SH3RF3: variants seen among roughly 807,000 people sequenced by gnomAD.
SH3RF3 encodes the protein SH3 domain containing ring finger 3.
SH3RF3 carries 29 observed loss-of-function variants against 66.3 expected under a neutral mutation model. The ratio of observed to expected loss-of-function variants is 0.44; its 90% confidence interval spans 0.33 to 0.60. The LOEUF is 0.60. SH3RF3 is among the 20% of genes least tolerant of loss of function. SH3RF3 has a pLI of 0.04. For synonymous variants in SH3RF3, 583 were observed against 532.0 expected (o/e 1.10, Z -1.32); for missense variants, 1,194 against 1,190.9 (o/e 1.00, Z -0.04).
intron 2 of SH3RF3, among the ~76,000 whole-genome samples, chr2:109,355,306 A>T (rs1163295481): frequency 6.6e-6 from 1 of 152,170 alleles, no homozygotes; most frequent in African/African-American, 2.4e-5. Context: ...TGGCCCAGGA[A>T]CTTGTCTGCT....
chr2:109,429,766 GCAAGAAGGCCA>G (rs1677140196), intron 5 of SH3RF3, among the ~76,000 whole-genome samples: 1 of 152,216 alleles, frequency 6.6e-6, no homozygotes, highest in African/African-American at 2.4e-5. Flanking sequence ...TGAAACATGT[GCAAGAAGGCCA>G]CAGACAGCCC....
At chr2:109,203,501 T>A (rs1191262867) in intron 1 of SH3RF3, among the ~76,000 whole-genome samples, 2 of 152,162 alleles carry the variant, frequency 1.3e-5, no homozygotes, top group Non-Finnish European at 2.9e-5. Flanking sequence ...CCGCTCCCCA[T>A]TGCCTCCTGA....
intron 8 of SH3RF3, among the ~76,000 whole-genome samples, chr2:109,463,054 T>C (rs1015083284): frequency 1.3e-5 from 2 of 152,208 alleles, no homozygotes; most frequent in African/African-American, 4.8e-5. Flanking sequence ...GGGTCTTTCC[T>C]CAAGAAGACC....
At chr2:109,422,572 T>C (rs1257940017) in intron 5 of SH3RF3, among the ~76,000 whole-genome samples, 2 of 151,400 alleles carry the variant, frequency 1.3e-5, no homozygotes, top group African/African-American at 2.4e-5. Flanking sequence ...TGCAGAGACG[T>C]CTCTCATTCC....
At chr2:109,175,602 A>G (rs149016026) in intron 1 of SH3RF3, among the ~76,000 whole-genome samples, 147 of 152,318 alleles carry the variant, frequency 9.7e-4, no homozygotes, top group Non-Finnish European at 1.6e-3. Context: ...ATCTTAGGTT[A>G]TTGCTTTGGC....
At chr2:109,400,541 A>G (rs572781945) in intron 4 of SH3RF3, among the ~76,000 whole-genome samples, 1 of 151,424 alleles carries the variant, frequency 6.6e-6, no homozygotes, top group South Asian at 2.1e-4. Flanking sequence ...ATACACATGC[A>G]CACACACGTA....
At chr2:109,178,421 T>A (rs985996813) in intron 1 of SH3RF3, among the ~76,000 whole-genome samples, 5 of 152,306 alleles carry the variant, frequency 3.3e-5, no homozygotes, top group African/African-American at 9.6e-5. Context: ...TCCTTTTTTT[T>A]ATTGTTTTGT....
chr2:109,231,712 A>G (rs1359605436), intron 1 of SH3RF3, among the ~76,000 whole-genome samples: 2 of 152,188 alleles, frequency 1.3e-5, no homozygotes, highest in Non-Finnish European at 2.9e-5. Flanking sequence ...TTCCAAATTA[A>G]ATCTTACCGT....
At chr2:109,303,535 G>A (rs780151550) in intron 1 of SH3RF3, among the ~76,000 whole-genome samples, 1 of 152,202 alleles carries the variant, frequency 6.6e-6, no homozygotes, top group Non-Finnish European at 1.5e-5. Context: ...GCAATGGTCT[G>A]TTTCCTTCTG....
intron 4 of SH3RF3, among the ~76,000 whole-genome samples, chr2:109,413,614 C>A (rs1676650017): frequency 6.6e-6 from 1 of 152,170 alleles, no homozygotes; most frequent in African/African-American, 2.4e-5. Flanking sequence ...ATCACCAGGA[C>A]CTGGGGCTGT....
chr2:109,242,999 T>A (rs1384652472), intron 1 of SH3RF3, among the ~76,000 whole-genome samples: 1 of 152,276 alleles, frequency 6.6e-6, no homozygotes, highest in East Asian at 1.9e-4. Flanking sequence ...TCTGTTATTC[T>A]GAGTGTTTGA....
intron 1 of SH3RF3, among the ~76,000 whole-genome samples, chr2:109,170,821 T>G (rs1268972522): frequency 1.3e-5 from 2 of 152,174 alleles, no homozygotes; most frequent in Non-Finnish European, 2.9e-5. Flanking sequence ...CAGGGCATAG[T>G]TTACCTGTGA....
At chr2:109,409,904 T>C (rs1334443232) in intron 4 of SH3RF3, among the ~76,000 whole-genome samples, 2 of 151,986 alleles carry the variant, frequency 1.3e-5, no homozygotes, top group African/African-American at 2.4e-5. Flanking sequence ...CTCCTTGGGG[T>C]GATGACAGTG....
chr2:109,501,099 T>C (rs559119862), intron 9 of SH3RF3, among the ~76,000 whole-genome samples: 2 of 152,278 alleles, frequency 1.3e-5, no homozygotes, highest in Admixed American at 1.3e-4. Flanking sequence ...GCCCAGGGTC[T>C]TGACACTGGG....
intron 1 of SH3RF3, among the ~76,000 whole-genome samples, chr2:109,156,886 T>C (rs1192221467): frequency 4.6e-5 from 7 of 152,248 alleles, no homozygotes; most frequent in African/African-American, 1.4e-4. Context: ...GATTTATTGC[T>C]AATGGCTAAT....
chr2:109,246,637 C>G (rs2105238546), intron 1 of SH3RF3, among the ~76,000 whole-genome samples: 1 of 152,318 alleles, frequency 6.6e-6, no homozygotes, highest in South Asian at 2.1e-4. Flanking sequence ...GTGTATCTCC[C>G]TGCACGTGTC....
chr2:109,143,809 TACACACACAC>T (rs33913705), intron 1 of SH3RF3, among the ~76,000 whole-genome samples: 1 of 148,716 alleles, frequency 6.7e-6, no homozygotes, highest in African/African-American at 2.5e-5. Context: ...CTGTGCTGTA[TACACACACAC>T]ACACACACAC....
intron 2 of SH3RF3, among the ~76,000 whole-genome samples, chr2:109,349,745 C>T (rs1574590209): frequency 1.3e-5 from 2 of 152,220 alleles, no homozygotes; most frequent in Non-Finnish European, 2.9e-5. Context: ...GTCGCAGGGC[C>T]CTGGAGCCTC....
chr2:109,362,433 G>A (rs1468713049), intron 2 of SH3RF3, among the ~76,000 whole-genome samples: 2 of 152,150 alleles, frequency 1.3e-5, no homozygotes, highest in Admixed American at 1.3e-4. Context: ...AGTAGACATT[G>A]TATGATTTTT....
Sources: gnomAD v4.1 joint callset for allele counts (sites outside exome capture counted in the v4.1 genomes callset) on GRCh38, gnomAD v4.1.1 for gene constraint, MANE v1.5 for transcripts, NCBI Gene and HGNC (gene_info 2026-07-23, HGNC 2026-07-21) for gene names.